ARHGAP44: variants seen among roughly 807,000 people sequenced by gnomAD.
The protein encoded by ARHGAP44 is Rho GTPase activating protein 44, also known as rho GTPase-activating protein 44.
A neutral mutation model predicts 106.8 loss-of-function variants in ARHGAP44; 43 were observed. The observed-to-expected ratio is 0.40, with a 90% confidence interval of 0.32 to 0.52. The LOEUF is 0.52. Ranked by LOEUF, ARHGAP44 falls within the 20% of genes least tolerant of loss-of-function variation. The pLI, the probability that ARHGAP44 is intolerant of heterozygous loss-of-function variation, is 0.48. For synonymous variants in ARHGAP44, 439 were observed against 410.3 expected, an observed-to-expected ratio of 1.07 and a Z score of -0.85; for missense variants, 866 against 1,050.5, an observed-to-expected ratio of 0.82 and a Z score of 2.43.
At chr17:12,919,734 T>G (rs764762027) in intron 5 of ARHGAP44, 21 bp from the exon 6 acceptor site, 2 of 1,600,184 alleles carry the variant, frequency 1.2e-6, no homozygotes, top group East Asian at 4.5e-5. Flanking sequence ...TAATTGTATC[T>G]TTTATGTTGT....
chr17:12,917,949 C>T (rs1313791778), intron 5 of ARHGAP44, among the ~76,000 whole-genome samples: 1 of 152,204 alleles, frequency 6.6e-6, no homozygotes, highest in Non-Finnish European at 1.5e-5. Flanking sequence ...CTGACACTCT[C>T]TCTGGGACAG....
At chr17:12,841,635 C>CA (rs1232144002) in intron 1 of ARHGAP44, among the ~76,000 whole-genome samples, 42 of 87,832 alleles carry the variant, frequency 4.8e-4, no homozygotes, top group African/African-American at 1.6e-3. Flanking sequence ...CACACACACA[C>CA]ACACAAACAA....
intron 1 of ARHGAP44, among the ~76,000 whole-genome samples, chr17:12,801,143 C>T (rs919916702): frequency 6.6e-6 from 1 of 152,210 alleles, no homozygotes; most frequent in Non-Finnish European, 1.5e-5. Flanking sequence ...TCTACAGACT[C>T]CTATGTAACA....
chr17:12,885,523 ATG>A (rs1434625483), intron 1 of ARHGAP44, among the ~76,000 whole-genome samples: 1 of 136,760 alleles, frequency 7.3e-6, no homozygotes, highest in Non-Finnish European at 1.7e-5. Context: ...CAAGAACTTG[ATG>A]TGTGTGTGAG....
chr17:12,855,519 G>A (rs977491069), intron 1 of ARHGAP44, among the ~76,000 whole-genome samples: 9 of 87,896 alleles, frequency 1.0e-4, no homozygotes, highest in Non-Finnish European at 2.1e-4. Context: ...GTTTTTTTCA[G>A]CATTTTATTT....
intron 20 of ARHGAP44, chr17:12,988,740 CT>C (rs1168454180): frequency 1.3e-5 from 2 of 152,176 alleles, no homozygotes; most frequent in African/African-American, 2.4e-5. Context: ...CCTCTGCCTC[CT>C]GGAGTGCTGC....
At chr17:12,919,892 G>A (rs2038024811) in intron 6 of ARHGAP44, 61 bp downstream of exon 6, 1 of 1,471,052 alleles carries the variant, frequency 6.8e-7, no homozygotes, top group Non-Finnish European at 9.3e-7. Context: ...ATTTTGGGCG[G>A]GTGGGTTTTA....
intron 1 of ARHGAP44, among the ~76,000 whole-genome samples, chr17:12,793,959 G>A (rs940138958): frequency 3.3e-5 from 5 of 152,108 alleles, no homozygotes; most frequent in South Asian, 2.1e-4. Context: ...TTCAAAGATG[G>A]GGAAAGCTCC....
At chr17:12,887,242 C>T (rs2036908919) in intron 1 of ARHGAP44, among the ~76,000 whole-genome samples, 1 of 152,070 alleles carries the variant, frequency 6.6e-6, no homozygotes, top group South Asian at 2.1e-4. Context: ...GATTGATTGA[C>T]TGATTGACAG....
intron 1 of ARHGAP44, among the ~76,000 whole-genome samples, chr17:12,846,952 T>C (rs1166377275): frequency 2.6e-5 from 4 of 152,240 alleles, no homozygotes; most frequent in Admixed American, 1.3e-4. Flanking sequence ...TTCTCTATTA[T>C]GGCATTTTTA....
intron 1 of ARHGAP44, among the ~76,000 whole-genome samples, chr17:12,827,264 C>T (rs2034948749): frequency 1.3e-5 from 2 of 152,106 alleles, no homozygotes; most frequent in South Asian, 4.1e-4. Context: ...CTCTAGATCT[C>T]ATTTTATTTT....
chr17:12,959,635 C>G (rs760171838), intron 16 of ARHGAP44, among the ~76,000 whole-genome samples: 3 of 152,150 alleles, frequency 2.0e-5, no homozygotes, highest in African/African-American at 7.2e-5. Context: ...AACCAGAGGA[C>G]GTGGACTAAT....
chr17:12,798,174 T>A (rs139955481), intron 1 of ARHGAP44, among the ~76,000 whole-genome samples: 1 of 152,286 alleles, frequency 6.6e-6, no homozygotes, highest in East Asian at 1.9e-4. Flanking sequence ...TCCTCTCTGG[T>A]GGTTTATACT....
At chr17:12,842,414 C>CAAAAAAAAAA (rs558245390) in intron 1 of ARHGAP44, among the ~76,000 whole-genome samples, 4 of 56,410 alleles carry the variant, frequency 7.1e-5, no homozygotes, top group Non-Finnish European at 1.3e-4. Context: ...GAGACCATCT[C>CAAAAAAAAAA]AAAAAAAAAA....
chr17:12,953,670 C>T (rs1313749519), intron 13 of ARHGAP44, among the ~76,000 whole-genome samples: 5 of 152,130 alleles, frequency 3.3e-5, no homozygotes, highest in South Asian at 4.1e-4. Context: ...GTTCATGTAA[C>T]GGATGCCATT....
intron 14 of ARHGAP44, 135 bp downstream of exon 14, chr17:12,956,115 C>T (rs1266084407): frequency 9.4e-6 from 6 of 636,580 alleles, no homozygotes; most frequent in Non-Finnish European, 1.4e-5. Context: ...TGTTGGCCTG[C>T]TCCTCTTTTA....
chr17:12,794,370 G>A (rs1327670872), intron 1 of ARHGAP44, among the ~76,000 whole-genome samples: 2 of 152,158 alleles, frequency 1.3e-5, no homozygotes, highest in African/African-American at 4.8e-5. Flanking sequence ...GAGGGAGCCT[G>A]GTCCACTGAA....
chr17:12,837,991 G>A (rs2035286995), intron 1 of ARHGAP44, among the ~76,000 whole-genome samples: 1 of 152,056 alleles, frequency 6.6e-6, no homozygotes, highest in South Asian at 2.1e-4. Flanking sequence ...CCATCACCCT[G>A]TGCTGCCTGC....
rs765495413 is a variant in ARHGAP44 at position 12,944,127 on chromosome 17, C to T, written c.792C>T (p.Ser264=). 24 of 1,612,640 alleles carry T rather than the reference C, an allele frequency of 1.5e-5. 1 individual carries two copies. The South Asian group carries it at 1.8e-4, about 12-fold the overall frequency. The change falls in exon 10 of 21, where the codon AGC becomes AGT. Residue 264 remains serine, a synonymous_variant. Coordinates refer to ENST00000379672, the MANE Select transcript of ARHGAP44 (RefSeq NM_014859.6). ...CGCTGGAGGAGCACCTCACCATCAG[C>T]GGCCGGGAGATCGCCTTCCCCATCG... ...GKPLEEHLTI[S]GREIAFPIEA... is the part of the protein sequence containing the mutation.
Sources: allele counts gnomAD v4.1 joint callset (sites outside exome capture counted in the v4.1 genomes callset), GRCh38; gene constraint gnomAD v4.1.1; transcripts MANE v1.5; gene names NCBI Gene and HGNC (gene_info 2026-07-23, HGNC 2026-07-21).